Variants in TBXAS1 observed in about 807,000 individuals in gnomAD.
The protein encoded by TBXAS1 is thromboxane-A synthase.
In TBXAS1, 48 loss-of-function variants were observed where a neutral mutation model predicts 60.7. That is an observed-to-expected ratio of 0.79 (90% CI 0.63 to 1.01). The LOEUF is 1.01. TBXAS1 is among the 50% of genes least tolerant of loss of function. The probability of loss-of-function intolerance (pLI) is 0.00; values close to 1 mark genes in which losing one functional copy is unlikely to be tolerated. For missense variants in TBXAS1, 685 were observed against 686.3 expected (o/e 1.00, Z 0.02); for synonymous variants, 287 against 269.7 (o/e 1.06, Z -0.63).
At chr7:139,892,610 C>T (rs1173217570) in intron 3 of TBXAS1, among the ~76,000 whole-genome samples, 2 of 151,982 alleles carry the variant, frequency 1.3e-5, no homozygotes, top group African/African-American at 4.8e-5. Flanking sequence ...AAACAAACAA[C>T]AACAACAACA....
chr7:139,796,630 T>C (rs1431611139), intron 4 of TBXAS1, among the ~76,000 whole-genome samples: 2 of 152,220 alleles, frequency 1.3e-5, no homozygotes, highest in East Asian at 3.8e-4. Context: ...TGATGTAAAC[T>C]ATGGTCTTGA....
intron 3 of TBXAS1, among the ~76,000 whole-genome samples, chr7:139,787,186 A>T (rs781773430): frequency 6.6e-6 from 1 of 152,136 alleles, no homozygotes; most frequent in Non-Finnish European, 1.5e-5. Flanking sequence ...AATTCTGAGG[A>T]TTTTCGTTTG....
rs116955054 is a variant in TBXAS1 at position 139,981,767 on chromosome 7, C to T, written c.1134+19534C>T. ...ACAGACCATAAGTAATTCATTGAGT[C>T]GCTCACAAAGGGCCTGGCCCTGAAG... On this transcript the variant is annotated intron_variant, in intron 9 of 12. Coordinates refer to ENST00000448866, the MANE Select transcript of TBXAS1 (RefSeq NM_001061.7). Among the ~76,000 whole-genome samples the T allele has an allele frequency of 4.7e-3, 715 of 152,300 alleles. 6 individuals are homozygous for T. The highest frequency in any genetic ancestry group is 0.013 in the South Asian group (62 of 4,828).
At chr7:140,012,594 G>A (rs1298950928) in intron 10 of TBXAS1, among the ~76,000 whole-genome samples, 1 of 152,098 alleles carries the variant, frequency 6.6e-6, no homozygotes, top group Non-Finnish European at 1.5e-5. Context: ...GAGTAGCAGG[G>A]ACTACAGGCG....
chr7:140,012,628 TG>T (rs1426907945), intron 10 of TBXAS1, among the ~76,000 whole-genome samples: 1 of 152,024 alleles, frequency 6.6e-6, no homozygotes, highest in Non-Finnish European at 1.5e-5. Context: ...TTGGCTAATT[TG>T]GGTATTTTTA....
intron 1 of TBXAS1, among the ~76,000 whole-genome samples, chr7:139,868,238 G>A (rs1801568063): frequency 1.3e-5 from 2 of 152,180 alleles, no homozygotes; most frequent in South Asian, 2.1e-4. Flanking sequence ...TTACACAGTA[G>A]CATCCCTGGC....
intron 1 of TBXAS1, among the ~76,000 whole-genome samples, chr7:139,859,208 T>G (rs1370044988): frequency 1.4e-5 from 2 of 146,656 alleles, no homozygotes; most frequent in South Asian, 4.4e-4. Context: ...AGTTTTTTTT[T>G]TTTTTTTTTT....
intron 5 of TBXAS1, among the ~76,000 whole-genome samples, chr7:139,952,208 ATTAACT>A (rs1158220821): frequency 6.6e-6 from 1 of 152,218 alleles, no homozygotes; most frequent in African/African-American, 2.4e-5. Context: ...TGAGAAGCAG[ATTAACT>A]TTATAACTTT....
chr7:139,793,512 A>G (rs577210683), intron 4 of TBXAS1, among the ~76,000 whole-genome samples: 65 of 152,290 alleles, frequency 4.3e-4, no homozygotes, highest in African/African-American at 1.5e-3. Context: ...GAAAGGCAAG[A>G]CAGAGACCCA....
chr7:139,843,248 A>C (rs1799581845), intron 1 of TBXAS1, among the ~76,000 whole-genome samples: 1 of 152,186 alleles, frequency 6.6e-6, no homozygotes, highest in Non-Finnish European at 1.5e-5. Flanking sequence ...CCATCAGGCC[A>C]GCCCTCAACC....
chr7:139,787,001 C>A (rs1377380816), intron 3 of TBXAS1, among the ~76,000 whole-genome samples: 1 of 152,152 alleles, frequency 6.6e-6, no homozygotes, highest in Non-Finnish European at 1.5e-5. Context: ...TATGAAGACA[C>A]CTTTAGCAAG....
At chr7:139,988,606 C>T (rs1232396622) in intron 9 of TBXAS1, among the ~76,000 whole-genome samples, 1 of 152,152 alleles carries the variant, frequency 6.6e-6, no homozygotes, top group Non-Finnish European at 1.5e-5. Context: ...TCCTACCTTT[C>T]CACGCTGCAG....
chr7:139,951,451 A>C (rs1360682579), intron 5 of TBXAS1, among the ~76,000 whole-genome samples: 1 of 151,804 alleles, frequency 6.6e-6, no homozygotes, highest in Admixed American at 6.6e-5. Flanking sequence ...CATATGGTTC[A>C]GTCCCCCATT....
At position 139,790,829 on chromosome 7, in the gene TBXAS1, G is replaced by T. The variant is rs574175246; in HGVS notation, c.-80+3403G>T. Among the ~76,000 whole-genome samples the T allele has an allele frequency of 1.6e-3, 241 of 152,290 alleles. 1 individual carries two copies. Among genetic ancestry groups the T allele is most frequent in the African/African-American group, 5.4e-3 (226 of 41,574 alleles). On this transcript the variant is annotated intron_variant, in intron 4 of 16. Transcript: ENST00000336425. ...TTTACTTTTATTTTTCTGAGACAGG[G>T]TCTCACTGTGTCACCCAGGCTGGAG...
At chr7:139,846,654 A>T (rs1033740835) in intron 1 of TBXAS1, among the ~76,000 whole-genome samples, 1 of 152,238 alleles carries the variant, frequency 6.6e-6, no homozygotes, top group African/African-American at 2.4e-5. Context: ...CCTGATCCCC[A>T]GGAATGCACT....
At chr7:139,930,636 G>T (rs1177196607) in intron 4 of TBXAS1, among the ~76,000 whole-genome samples, 1 of 152,148 alleles carries the variant, frequency 6.6e-6, no homozygotes, top group East Asian at 1.9e-4. Context: ...CTATATAAGG[G>T]ATTGGGAAGT....
intron 4 of TBXAS1, among the ~76,000 whole-genome samples, chr7:139,801,297 A>G (rs1210223556): frequency 1.3e-5 from 2 of 152,252 alleles, no homozygotes; most frequent in African/African-American, 2.4e-5. Context: ...GGGCTAACAT[A>G]TGATGAGCTT....
rs1209137667 is a variant in TBXAS1, at chr7:140,020,097, T to C, written c.1600T>C (p.Ter534ArgextTer32). Reference protein sequence around the residue: ...NGVYIKIVSR* With the variant: ...NGVYIKIVSRR Reference sequence around the variant, plus strand: ...TGTCTATATCAAGATCGTATCCCGCTGACACAGAAGGCTGCCGGGTGGGGG... The same window carrying C: ...TGTCTATATCAAGATCGTATCCCGCCGACACAGAAGGCTGCCGGGTGGGGG... Residue 534 changes from the stop codon to arginine, a stop_lost, in exon 13 of 13, where the codon TGA (stop) becomes CGA (arginine). Transcript: ENST00000448866. 1 of 1,605,820 alleles carries C rather than the reference T, an allele frequency of 6.2e-7. No homozygotes were observed. Among genetic ancestry groups the C allele is most frequent in the Non-Finnish European group, 8.5e-7 (1 of 1,176,290 alleles).
At chr7:139,903,514 C>T (rs573483876) in intron 3 of TBXAS1, among the ~76,000 whole-genome samples, 1 of 152,168 alleles carries the variant, frequency 6.6e-6, no homozygotes, top group East Asian at 1.9e-4. Flanking sequence ...TTTAAGGAAA[C>T]TCCACACTGT....
Sources: gnomAD v4.1 joint callset for allele counts (sites outside exome capture counted in the v4.1 genomes callset) on GRCh38, gnomAD v4.1.1 for gene constraint, MANE v1.5 for transcripts, NCBI Gene and HGNC (gene_info 2026-07-23, HGNC 2026-07-21) for gene names.